TRIP4: variants seen among roughly 807,000 people sequenced by gnomAD.
TRIP4 encodes the protein thyroid hormone receptor interactor 4, also known as activating signal cointegrator 1.
A neutral mutation model predicts 81.8 loss-of-function variants in TRIP4; 54 were observed. The ratio of observed to expected loss-of-function variants is 0.66; its 90% confidence interval spans 0.53 to 0.83. TRIP4 has a LOEUF of 0.83. Among genes scored for constraint, TRIP4 ranks in the 40% least tolerant of loss-of-function variants. The pLI, the probability that TRIP4 is intolerant of heterozygous loss-of-function variation, is 0.00. For missense variants in TRIP4, 662 were observed against 683.6 expected (o/e 0.97, Z 0.35); for synonymous variants, 270 against 242.8 (o/e 1.11, Z -1.04).
chr15:64,425,731 T>C, intron 11 of TRIP4, 100 bp downstream of exon 11: 2 of 887,398 alleles, frequency 2.3e-6, no homozygotes, highest in Admixed American at 2.7e-5. Flanking sequence ...TTAAAAGTGC[T>C]GGGATTATAG....
At chr15:64,422,880 C>T (rs1315973618) in intron 9 of TRIP4, among the ~76,000 whole-genome samples, 2 of 152,128 alleles carry the variant, frequency 1.3e-5, no homozygotes, top group Non-Finnish European at 2.9e-5. Flanking sequence ...GTTCATTCCC[C>T]ATATCGTGCA....
At position 64,397,837 on chromosome 15, in the gene TRIP4, A is replaced by G. The variant is rs1050372761; in HGVS notation, c.618+19A>G. Reference sequence around the variant, plus strand: ...CACTCTGGTAAATTATTTCTTTTCTATTTTATTTTACTGTGCTTTGTGTTA... The same window carrying G: ...CACTCTGGTAAATTATTTCTTTTCTGTTTTATTTTACTGTGCTTTGTGTTA... On this transcript the variant is annotated intron_variant, in intron 4 of 12. Transcript: ENST00000261884. 3.7e-6 allele frequency: 6 copies of G among 1,611,708 alleles called. No individual in the cohort carries two copies. Among genetic ancestry groups the G allele is most frequent in the East Asian group, 2.2e-5 (1 of 44,850 alleles).
At chr15:64,434,402 GAAA>G (rs35606754) in intron 11 of TRIP4, among the ~76,000 whole-genome samples, 13 of 138,060 alleles carry the variant, frequency 9.4e-5, no homozygotes, top group African/African-American at 2.7e-4. Flanking sequence ...TCCGTCTCAA[GAAA>G]AAAAAAAAAA....
intron 5 of TRIP4, among the ~76,000 whole-genome samples, chr15:64,403,739 T>C (rs1891563842): frequency 6.6e-6 from 1 of 152,244 alleles, no homozygotes; most frequent in Non-Finnish European, 1.5e-5. Context: ...AATTACTGGA[T>C]ATTTGTTTCC....
In TRIP4 at chr15:64,409,671, C is replaced by G; in HGVS notation, c.886C>G (p.Gln296Glu). ...ESDYFASDSNQWLSKLERETL... is the reference protein window; with the variant it reads ...ESDYFASDSNEWLSKLERETL... ...AGATTACTTTGCCAGTGATTCTAAC[C>G]AATGGTTGTCCAAACTTGAGCGGGA... Residue 296 changes from glutamine (Q) to glutamate (E), a missense_variant, in exon 7 of 13, where the codon CAA becomes GAA. Physicochemically the swap from Gln to Glu is conservative, Grantham distance 29. Transcript: ENST00000261884. 1 of 1,614,168 alleles carries G rather than the reference C, an allele frequency of 6.2e-7. No homozygotes were observed. Among genetic ancestry groups the G allele is most frequent in the Admixed American group, 1.7e-5 (1 of 60,014 alleles).
intron 12 of TRIP4, among the ~76,000 whole-genome samples, chr15:64,446,062 C>A (rs138608738): frequency 6.6e-6 from 1 of 152,012 alleles, no homozygotes; most frequent in South Asian, 2.1e-4. Context: ...CATCTGAGGT[C>A]AGGAGTTCGA....
chr15:64,400,341 T>A (rs1322296763), intron 4 of TRIP4, among the ~76,000 whole-genome samples: 1 of 149,282 alleles, frequency 6.7e-6, no homozygotes, highest in Non-Finnish European at 1.5e-5. Flanking sequence ...CCAGGCTAAT[T>A]TTTGCATTTT....
At chr15:64,398,595 C>G (rs1900364210) in intron 4 of TRIP4, among the ~76,000 whole-genome samples, 1 of 152,052 alleles carries the variant, frequency 6.6e-6, no homozygotes, top group Non-Finnish European at 1.5e-5. Flanking sequence ...AGAAAGAACC[C>G]CAGGTTATAT....
At chr15:64,440,183 C>T (rs1057148162) in intron 11 of TRIP4, among the ~76,000 whole-genome samples, 5 of 151,826 alleles carry the variant, frequency 3.3e-5, no homozygotes, top group Non-Finnish European at 7.4e-5. Context: ...TAGTGAGCTA[C>T]GAACACACCA....
intron 11 of TRIP4, among the ~76,000 whole-genome samples, chr15:64,443,051 C>G (rs967083960): frequency 1.0e-4 from 15 of 150,718 alleles, no homozygotes; most frequent in Non-Finnish European, 2.2e-4. Flanking sequence ...GCATGGAAGT[C>G]AACAGTGACC....
chr15:64,436,860 C>T (rs1002075014), intron 11 of TRIP4, among the ~76,000 whole-genome samples: 1 of 127,198 alleles, frequency 7.9e-6, no homozygotes, highest in African/African-American at 2.8e-5. Context: ...GGTTGTGTGC[C>T]ACCACACCCA....
intron 12 of TRIP4, among the ~76,000 whole-genome samples, chr15:64,452,191 AGACTG>A (rs1351155646): frequency 1.3e-5 from 2 of 152,056 alleles, no homozygotes; most frequent in East Asian, 3.9e-4. Context: ...CATGTTGGCC[AGACTG>A]GTCTGGAACT....
At chr15:64,435,815 AGCTTCTT>A in intron 11 of TRIP4, among the ~76,000 whole-genome samples, 1 of 104,608 alleles carries the variant, frequency 9.6e-6, no homozygotes, top group Non-Finnish European at 2.0e-5. Flanking sequence ...GTGTAAAGGA[AGCTTCTT>A]AAAAAAAAAA....
At position 64,423,865 on chromosome 15, in the gene TRIP4, T is replaced by C. The variant is rs78748859; in HGVS notation, c.1359-166T>C. 0.013 allele frequency among the ~76,000 whole-genome samples: 1,980 copies of C among 152,240 alleles called. 33 individuals are homozygous for C. The highest frequency in any genetic ancestry group is 0.046 in the African/African-American group (1,912 of 41,538). On this transcript the variant is annotated intron_variant, in intron 9 of 12. Transcript: ENST00000261884. ...AGAGTTCATCCTCAAGTGAAAAGTA[T>C]TGTGAGAGAAAAGTGTTTTTGACAA...
intron 8 of TRIP4, among the ~76,000 whole-genome samples, chr15:64,417,545 G>A (rs1406471141): frequency 6.6e-6 from 1 of 152,092 alleles, no homozygotes; most frequent in African/African-American, 2.4e-5. Flanking sequence ...TGGTATCGTT[G>A]CTCTGGAAGA....
chr15:64,414,585 C>T (rs1176855442), intron 8 of TRIP4, among the ~76,000 whole-genome samples: 4 of 132,910 alleles, frequency 3.0e-5, no homozygotes, highest in East Asian at 2.3e-4. Flanking sequence ...GGCATGATCT[C>T]GGGTCACTGC....
At chr15:64,426,143 T>A (rs115634152) in intron 11 of TRIP4, among the ~76,000 whole-genome samples, 4 of 152,224 alleles carry the variant, frequency 2.6e-5, no homozygotes, top group African/African-American at 9.6e-5. Flanking sequence ...CTTCATCCCT[T>A]ACCAAAACCT....
intron 7 of TRIP4, among the ~76,000 whole-genome samples, chr15:64,412,590 A>G (rs1891792025): frequency 6.6e-6 from 1 of 151,026 alleles, no homozygotes; most frequent in Admixed American, 6.6e-5. Flanking sequence ...GAAGGCAGGA[A>G]CAATGTCTTC....
chr15:64,416,561 A>G (rs1891895312), intron 8 of TRIP4, among the ~76,000 whole-genome samples: 1 of 152,188 alleles, frequency 6.6e-6, no homozygotes, highest in Non-Finnish European at 1.5e-5. Flanking sequence ...TGTCTCAAAA[A>G]AAATTTTTTT....
Sources: gnomAD v4.1 joint callset for allele counts (sites outside exome capture counted in the v4.1 genomes callset) on GRCh38, gnomAD v4.1.1 for gene constraint, MANE v1.5 for transcripts, NCBI Gene and HGNC (gene_info 2026-07-23, HGNC 2026-07-21) for gene names.